Variants in LARGE1 observed in about 807,000 individuals in gnomAD.
LARGE1 encodes the protein LARGE xylosyl- and glucuronyltransferase 1.
A neutral mutation model predicts 87.6 loss-of-function variants in LARGE1; 43 were observed. The ratio of observed to expected loss-of-function variants is 0.49; its 90% CI spans 0.38 to 0.63. The LOEUF (loss-of-function observed/expected upper bound fraction) is 0.63, where lower values mean the gene tolerates loss of function less well. Among genes scored for constraint, LARGE1 ranks in the 30% least tolerant of loss-of-function variants. LARGE1 has a pLI of 0.00. For missense variants in LARGE1, 802 were observed against 1,000.2 expected (o/e 0.80, Z 2.67); for synonymous variants, 434 against 394.6 (o/e 1.10, Z -1.18).
chr22:33,482,832 G>A (rs1353847566), intron 6 of LARGE1, among the ~76,000 whole-genome samples: 1 of 152,150 alleles, frequency 6.6e-6, no homozygotes, highest in Admixed American at 6.5e-5. Flanking sequence ...TTGAGGTGTT[G>A]GGAAGCAAAA....
rs151013903 is a variant in LARGE1 at position 33,323,189 on chromosome 22, A to G, written c.1288-6941T>C. On this transcript the variant is annotated intron_variant, in intron 10 of 14. Coordinates refer to ENST00000397394, the MANE Select transcript of LARGE1 (RefSeq NM_133642.5). ...AACAAAAACAAAACAGGAAAGAAAGAAAGGTATGCTGTCAGACGTACCTGT... is the reference window on the plus strand; with the variant it reads ...AACAAAAACAAAACAGGAAAGAAAGGAAGGTATGCTGTCAGACGTACCTGT... 2.3e-3 allele frequency among the ~76,000 whole-genome samples: 357 copies of G among 152,268 alleles called. 2 individuals are homozygous for G. The highest frequency in any genetic ancestry group is 4.1e-3 in the Non-Finnish European group (281 of 68,018).
chr22:33,695,137 T>C (rs2082205820), intron 2 of LARGE1, among the ~76,000 whole-genome samples: 1 of 148,066 alleles, frequency 6.8e-6, no homozygotes, highest in Non-Finnish European at 1.5e-5. Flanking sequence ...TGAGTCTCAC[T>C]CTGTCTCCCA....
intron 11 of LARGE1, among the ~76,000 whole-genome samples, chr22:33,178,149 A>G (rs182109520): frequency 2.0e-5 from 3 of 152,232 alleles, no homozygotes; most frequent in Admixed American, 6.5e-5. Flanking sequence ...ACTTTTATTT[A>G]TTTTATGATT....
intron 12 of LARGE1, among the ~76,000 whole-genome samples, chr22:33,302,553 A>G (rs569443454): frequency 1.3e-5 from 2 of 152,154 alleles, no homozygotes; most frequent in Non-Finnish European, 2.9e-5. Context: ...TATGCAGGCT[A>G]AACCTACGCT....
chr22:33,275,734 C>G (rs142604394), intron 14 of LARGE1, among the ~76,000 whole-genome samples: 1 of 152,146 alleles, frequency 6.6e-6, no homozygotes. Context: ...AAATATGCAA[C>G]GTATTTTCAA....
the LARGE1 span, among the ~76,000 whole-genome samples, chr22:33,116,476 T>G: frequency 6.6e-6 from 1 of 151,902 alleles, no homozygotes; most frequent in African/African-American, 2.4e-5. Flanking sequence ...TGCCTCAGCC[T>G]CCAGAGTAGC....
intron 6 of LARGE1, among the ~76,000 whole-genome samples, chr22:33,541,286 G>C (rs2077201609): frequency 6.6e-6 from 1 of 151,804 alleles, no homozygotes; most frequent in Admixed American, 6.6e-5. Flanking sequence ...TTGAACACAG[G>C]GCAAGCCGAC....
rs148577874 is a variant in LARGE1, at chr22:33,282,311, C to T, written c.1877+891G>A. Among the ~76,000 whole-genome samples the T allele has an allele frequency of 3.0e-4, 45 of 152,328 alleles. No individual in the cohort carries two copies. In the East Asian group the frequency reaches 8.1e-3, roughly 27 times the overall value. On this transcript the variant is annotated intron_variant, in intron 13 of 14. Transcript: ENST00000397394. ...AGTGAGCCGAGACCACGCCATTGCA[C>T]TCCAGCCTGGGCAATAAAAGCGAAG...
At chr22:33,555,162 G>A (rs762060) in intron 6 of LARGE1, among the ~76,000 whole-genome samples, 8 of 151,934 alleles carry the variant, frequency 5.3e-5, no homozygotes, top group Admixed American at 5.2e-4. Context: ...ATAAATAATC[G>A]AGAGATGATT....
At chr22:33,588,153 T>C (rs961461959) in intron 5 of LARGE1, among the ~76,000 whole-genome samples, 6 of 152,304 alleles carry the variant, frequency 3.9e-5, no homozygotes, top group African/African-American at 1.4e-4. Context: ...AAGCACATGC[T>C]AAGAATTGGG....
At chr22:33,731,498 A>C (rs1037722306) in intron 2 of LARGE1, among the ~76,000 whole-genome samples, 1 of 152,176 alleles carries the variant, frequency 6.6e-6, no homozygotes, top group Admixed American at 6.5e-5. Flanking sequence ...GCCATACTCA[A>C]ACTGGGTAAT....
chr22:33,377,788 C>T (rs746385682), intron 9 of LARGE1, among the ~76,000 whole-genome samples: 1 of 152,056 alleles, frequency 6.6e-6, no homozygotes, highest in Non-Finnish European at 1.5e-5. Flanking sequence ...TGGGTAATTT[C>T]TTATACCTCT....
chr22:33,422,349 G>A (rs1012200232), intron 7 of LARGE1, among the ~76,000 whole-genome samples: 2 of 152,124 alleles, frequency 1.3e-5, no homozygotes, highest in African/African-American at 2.4e-5. Context: ...ATTGGCTCAC[G>A]GTTCTGCAGG....
chr22:33,825,833 T>C (rs1037932410), intron 1 of LARGE1, among the ~76,000 whole-genome samples: 19 of 152,156 alleles, frequency 1.2e-4, no homozygotes, highest in Non-Finnish European at 4.4e-5. Flanking sequence ...GACTGGAAGC[T>C]GCTACATTCC....
intron 11 of LARGE1, among the ~76,000 whole-genome samples, chr22:33,224,358 C>T (rs897006727): frequency 2.6e-5 from 4 of 152,212 alleles, no homozygotes; most frequent in Non-Finnish European, 5.9e-5. Flanking sequence ...AGCTTCCTCC[C>T]TGAGTCAAAT....
At chr22:33,514,020 C>A (rs1020153577) in intron 6 of LARGE1, among the ~76,000 whole-genome samples, 2 of 152,160 alleles carry the variant, frequency 1.3e-5, no homozygotes, top group African/African-American at 4.8e-5. Flanking sequence ...GCTGCCCAGG[C>A]TGTAGCCTAG....
At chr22:33,208,359 A>G (rs1029995318) in intron 11 of LARGE1, among the ~76,000 whole-genome samples, 5 of 152,204 alleles carry the variant, frequency 3.3e-5, no homozygotes, top group African/African-American at 1.2e-4. Flanking sequence ...TTAGGTTTCA[A>G]GCAATCCAAG....
At chr22:33,844,722 C>CA (rs1555883604) in intron 1 of LARGE1, among the ~76,000 whole-genome samples, 1 of 142,350 alleles carries the variant, frequency 7.0e-6, no homozygotes, top group Non-Finnish European at 1.5e-5. Context: ...GGTTTCCAAA[C>CA]TTTTTTTTTT....
chr22:33,477,415 A>G lies in LARGE1; in HGVS notation c.788-45150T>C, dbSNP rs533531371. Among the ~76,000 whole-genome samples the G allele has an allele frequency of 7.9e-5, 12 of 152,352 alleles. No homozygotes were observed. The Middle Eastern group carries it at 0.01, about 130-fold the overall frequency. ...TGTCAAAGTCCCTCTTTGTTTAGAA[A>G]CTATGCTTGCTTGTTCTTTTGGGTT... On this transcript the variant is annotated intron_variant, in intron 6 of 14. Coordinates refer to ENST00000397394, the MANE Select transcript of LARGE1 (RefSeq NM_133642.5).
Sources: allele counts gnomAD v4.1 joint callset (sites outside exome capture counted in the v4.1 genomes callset), GRCh38; gene constraint gnomAD v4.1.1; transcripts MANE v1.5; gene names NCBI Gene and HGNC (gene_info 2026-07-23, HGNC 2026-07-21).